Variants in CCNG1 observed in about 807,000 individuals in gnomAD.
The protein encoded by CCNG1 is cyclin-G1.
In CCNG1, 13 loss-of-function variants were observed where a neutral mutation model predicts 30.0. The observed-to-expected ratio is 0.43, with a 90% CI of 0.28 to 0.69. The LOEUF (loss-of-function observed/expected upper bound fraction) is 0.69, where lower values mean the gene tolerates loss of function less well. Ranked by LOEUF, CCNG1 falls within the 30% of genes least tolerant of loss-of-function variation. The pLI, the probability that CCNG1 is intolerant of heterozygous loss-of-function variation, is 0.16. For synonymous variants in CCNG1, 110 were observed against 121.5 expected (o/e 0.91, Z 0.62); for missense variants, 285 against 331.4 (o/e 0.86, Z 1.09).
Position 163,439,367 on chromosome 5 carries a change from TG to T in CCNG1, c.112del (p.Glu38SerfsTer10), listed in dbSNP as rs767738364. ...QPKVCGLRLI[E>X]SAHDNGLRMT... ...CAAAGGTCTGTGGTTTGAGACTAAT[TG>T]AGTCTGCACACGATAATGGCCTCAG... On this transcript the variant is annotated frameshift_variant, in exon 2 of 7. Coordinates refer to ENST00000340828, the MANE Select transcript of CCNG1 (RefSeq NM_004060.4). LOFTEE classifies it high-confidence loss of function. The T allele has an allele frequency of 2.0e-5, 33 of 1,614,218 alleles. No homozygotes were observed. Among genetic ancestry groups the T allele is most frequent in the Admixed American group, 6.7e-5 (4 of 60,026 alleles).
At chr5:163,456,293 T>C in the CCNG1 span, among the ~76,000 whole-genome samples, 2 of 152,208 alleles carry the variant, frequency 1.3e-5, no homozygotes, top group Admixed American at 6.5e-5. Flanking sequence ...ACTTGAGTAG[T>C]TTCACAGAGA....
intron 3 of CCNG1, 176 bp from the exon 4 acceptor site, chr5:163,441,710 T>TA: frequency 1.8e-6 from 1 of 569,746 alleles, no homozygotes; most frequent in Non-Finnish European, 3.1e-6. Flanking sequence ...AACTCCCATA[T>TA]GGTGCCTTTA....
At chr5:163,448,954 A>G (rs1581175294), downstream of CCNG1, 1 of 152,220 alleles carries the variant, frequency 6.6e-6, no homozygotes, top group African/African-American at 2.4e-5. Context: ...CTTGCTCAAC[A>G]TGACAAAGGG....
chr5:163,443,291 G>A (rs1316758708), intron 6 of CCNG1, among the ~76,000 whole-genome samples: 8 of 137,540 alleles, frequency 5.8e-5, no homozygotes, highest in African/African-American at 1.7e-4. Flanking sequence ...CAGCCTGGGC[G>A]ACAGAGCAAG....
chr5:163,456,737 T>C, the CCNG1 span, among the ~76,000 whole-genome samples: 1 of 152,286 alleles, frequency 6.6e-6, no homozygotes, highest in Middle Eastern at 3.4e-3. Context: ...TACAAATAAA[T>C]TCCTCTCAAG....
chr5:163,445,620 A>ATGTTT (rs1758021355), downstream of CCNG1, among the ~76,000 whole-genome samples: 1 of 107,986 alleles, frequency 9.3e-6, no homozygotes, highest in African/African-American at 3.5e-5. Flanking sequence ...CACCCAGCTA[A>ATGTTT]TTTTTTTTTT....
Position 163,442,581 on chromosome 5 carries a change from C to T in CCNG1, c.*3+13C>T, listed in dbSNP as rs146472121. The T allele has an allele frequency of 6.8e-5, 106 of 1,565,214 alleles. 2 individuals are homozygous for T. The African/African-American group carries it at 7.4e-4, about 11-fold the overall frequency. ...GGTCCCTTAACTGGTAAATTTGGTC[C>T]GTTATTATTCTCCAGATAGAGAACA... On this transcript the variant is annotated intron_variant, in intron 6 of 6. Coordinates refer to ENST00000340828, the MANE Select transcript of CCNG1 (RefSeq NM_004060.4).
At chr5:163,454,645 G>C in the CCNG1 span, among the ~76,000 whole-genome samples, 1 of 152,086 alleles carries the variant, frequency 6.6e-6, no homozygotes, top group East Asian at 1.9e-4. Flanking sequence ...CCAGCCTATA[G>C]CTAGCATTTT....
Position 163,442,460 on chromosome 5 carries a change from T to C in CCNG1, c.783T>C (p.Asn261=), listed in dbSNP as rs138434964. ...EYSSNKCSKP[N]VQKLKWIVSG... ...CATCAAATAAGTGTTCCAAACCAAA[T>C]GTTCAGAAGTTGAAATGGATTGTTT... is the stretch of plus-strand genomic sequence containing the variant. The change falls in exon 6 of 7, where the codon AAT becomes AAC. Residue 261 remains asparagine, a synonymous_variant. Coordinates refer to ENST00000340828, the MANE Select transcript of CCNG1 (RefSeq NM_004060.4). The C allele has an allele frequency of 1.5e-4, 236 of 1,614,054 alleles. No individual in the cohort carries two copies. The highest frequency in any genetic ancestry group is 2.0e-4 in the Non-Finnish European group (234 of 1,179,924).
the CCNG1 span, among the ~76,000 whole-genome samples, chr5:163,454,762 T>C: frequency 6.6e-6 from 1 of 152,248 alleles, no homozygotes; most frequent in East Asian, 1.9e-4. Context: ...TTAGTCTTTT[T>C]GGTGGGCTAT....
At chr5:163,457,438 T>C in the CCNG1 span, 1 of 679,476 alleles carries the variant, frequency 1.5e-6, no homozygotes, top group South Asian at 1.9e-5. Context: ...ATACAACGGT[T>C]TTCAACACAT....
At chr5:163,455,000 A>G in the CCNG1 span, among the ~76,000 whole-genome samples, 10 of 152,164 alleles carry the variant, frequency 6.6e-5, no homozygotes, top group African/African-American at 9.7e-5. Context: ...TGTCACAAAT[A>G]CTCAACTGTC....
rs758079565 is a variant in CCNG1 at position 163,442,046 on chromosome 5, C to T, written c.599C>T (p.Pro200Leu). 6.2e-7 allele frequency: 1 copy of T among 1,609,794 alleles called. No homozygotes were observed. The highest frequency in any genetic ancestry group is 8.5e-7 in the Non-Finnish European group (1 of 1,176,610). Reference protein sequence around the residue: ...HCRIIFSKAKPSVLALSIIAL... With the variant: ...HCRIIFSKAKLSVLALSIIAL... The stretch of plus-strand genomic sequence containing the variant: ...TTACTTTAAATTTATCTCTTTTAGC[C>T]TTCTGTGTTGGCATTGTCTATCATT... The change falls in exon 5 of 7, where the codon CCT (proline) becomes CTT (leucine). Residue 200 changes from proline (P) to leucine (L), a missense_variant and splice_region_variant. By Grantham distance (98) the Pro-to-Leu change is moderately conservative (BLOSUM62 -3). Transcript: ENST00000340828.
At chr5:163,447,177 G>C (rs1415485404), downstream of CCNG1, 1 of 152,400 alleles carries the variant, frequency 6.6e-6, no homozygotes, top group African/African-American at 2.4e-5. Context: ...ACCAGGTACA[G>C]AGACTCATTC....
chr5:163,445,436 A>AT (rs1279576965), downstream of CCNG1, among the ~76,000 whole-genome samples: 3 of 152,084 alleles, frequency 2.0e-5, no homozygotes, highest in Non-Finnish European at 2.9e-5. Context: ...TATTAATAGT[A>AT]TGACTATTAG....
chr5:163,440,793 C>T (rs1381434160), intron 2 of CCNG1, among the ~76,000 whole-genome samples: 1 of 152,046 alleles, frequency 6.6e-6, no homozygotes, highest in East Asian at 1.9e-4. Context: ...ACAATGTTTA[C>T]TTATAGTTCT....
the CCNG1 span, among the ~76,000 whole-genome samples, chr5:163,454,809 G>A: frequency 1.3e-5 from 2 of 152,084 alleles, no homozygotes; most frequent in Non-Finnish European, 2.9e-5. Flanking sequence ...AGCTCCTACT[G>A]TTTGGGAGAC....
In CCNG1 at chr5:163,441,197, G is replaced by A. The variant is rs1333473669; in HGVS notation, c.384G>A (p.Arg128=). 4 of 1,614,034 alleles carry A rather than the reference G, an allele frequency of 2.5e-6. 1 individual carries two copies. The South Asian group carries it at 4.4e-5, about 18-fold the overall frequency. Residue 128 remains arginine (R), a synonymous_variant, in exon 3 of 7, where the codon AGG becomes AGA. Coordinates refer to ENST00000340828, the MANE Select transcript of CCNG1 (RefSeq NM_004060.4). ...ACTTGATCCGAATAAGTCAATATAG[G>A]TTTACGGTTTCAGACTTGATGAGAA... ...ATDLIRISQY[R]FTVSDLMRME...
At chr5:163,440,248 CTAAT>C (rs1488492362) in intron 2 of CCNG1, among the ~76,000 whole-genome samples, 7 of 152,088 alleles carry the variant, frequency 4.6e-5, no homozygotes, top group Non-Finnish European at 1.0e-4. Context: ...CTTCAACAGA[CTAAT>C]TAAGCTCTTT....
Sources: allele counts gnomAD v4.1 joint callset (sites outside exome capture counted in the v4.1 genomes callset), GRCh38; gene constraint gnomAD v4.1.1; transcripts MANE v1.5; gene names NCBI Gene and HGNC (gene_info 2026-07-23, HGNC 2026-07-21).